The following ITPR1 variants were observed in gnomAD, a reference collection of about 807,000 sequenced individuals.
The protein encoded by ITPR1 is inositol 1,4,5-trisphosphate-gated calcium channel ITPR1.
In ITPR1, 96 loss-of-function variants were observed where a neutral mutation model predicts 318.4. The observed-to-expected ratio is 0.30, with a 90% CI of 0.26 to 0.36. The LOEUF (loss-of-function observed/expected upper bound fraction) is 0.36. Ranked by LOEUF, ITPR1 falls within the 10% of genes least tolerant of loss-of-function variation. ITPR1 has a pLI of 1.00. For missense variants in ITPR1, 2,440 were observed against 3,460.2 expected, an observed-to-expected ratio of 0.71 and a Z score of 7.40; for synonymous variants, 1,312 against 1,289.9, an observed-to-expected ratio of 1.02 and a Z score of -0.37.
intron 1 of ITPR1, 99 bp downstream of exon 1, chr3:4,493,704 C>G (rs2080316016): frequency 1.3e-5 from 2 of 152,194 alleles, no homozygotes; most frequent in African/African-American, 2.4e-5. Flanking sequence ...GATGGATGTG[C>G]ATGCACTTGG....
intron 4 of ITPR1, among the ~76,000 whole-genome samples, chr3:4,539,324 C>G (rs1204540420): frequency 6.6e-6 from 1 of 152,176 alleles, no homozygotes; most frequent in Non-Finnish European, 1.5e-5. Context: ...ACTTGAGAGG[C>G]TTGCTTTGTG....
chr3:4,703,065 G>A, intron 36 of ITPR1, 115 bp downstream of exon 36: 1 of 1,203,310 alleles, frequency 8.3e-7, no homozygotes, highest in Non-Finnish European at 1.1e-6. Context: ...CAGACAGGAA[G>A]TTTCAGAGCC....
chr3:4,515,176 C>G (rs1419969916), intron 2 of ITPR1, among the ~76,000 whole-genome samples: 2 of 152,172 alleles, frequency 1.3e-5, no homozygotes, highest in African/African-American at 4.8e-5. Context: ...AAGCAGTGAA[C>G]TGAGGTTCTT....
intron 3 of ITPR1, among the ~76,000 whole-genome samples, chr3:4,517,595 G>T (rs1030028390): frequency 3.3e-5 from 5 of 152,160 alleles, no homozygotes; most frequent in Non-Finnish European, 7.3e-5. Flanking sequence ...AATTAGACTT[G>T]TGCTCCCACT....
At chr3:4,535,050 C>A (rs2083735310) in intron 4 of ITPR1, among the ~76,000 whole-genome samples, 1 of 150,954 alleles carries the variant, frequency 6.6e-6, no homozygotes, top group Non-Finnish European at 1.5e-5. Flanking sequence ...TTAGTGTTCT[C>A]TAGTACATAA....
chr3:4,685,232 C>A (rs1235042215), intron 30 of ITPR1, 26 bp downstream of exon 30: 7 of 1,578,994 alleles, frequency 4.4e-6, no homozygotes, highest in Non-Finnish European at 6.0e-6. Flanking sequence ...TGCACAGCAG[C>A]TGCTCTCAGG....
At chr3:4,724,984 A>G (rs1006097816) in intron 40 of ITPR1, among the ~76,000 whole-genome samples, 1 of 152,154 alleles carries the variant, frequency 6.6e-6, no homozygotes, top group African/African-American at 2.4e-5. Context: ...ACACTGGAGC[A>G]GGGAGACTGC....
intron 52 of ITPR1, among the ~76,000 whole-genome samples, chr3:4,789,206 A>C (rs917776955): frequency 1.3e-5 from 2 of 152,180 alleles, no homozygotes; most frequent in African/African-American, 2.4e-5. Flanking sequence ...GGCCAGGCCA[A>C]ATCCATCCCT....
chr3:4,600,271 C>T (rs1249047992), intron 4 of ITPR1, among the ~76,000 whole-genome samples: 1 of 152,202 alleles, frequency 6.6e-6, no homozygotes, highest in Non-Finnish European at 1.5e-5. Flanking sequence ...CTGGTACCCA[C>T]AGCCATTCAT....
At chr3:4,796,540 C>T (rs1373268585) in intron 53 of ITPR1, among the ~76,000 whole-genome samples, 1 of 152,188 alleles carries the variant, frequency 6.6e-6, no homozygotes, top group Non-Finnish European at 1.5e-5. Context: ...GATTATTCAA[C>T]CCTTACCTTG....
intron 10 of ITPR1, among the ~76,000 whole-genome samples, chr3:4,646,669 T>A (rs1423807326): frequency 6.6e-6 from 1 of 152,116 alleles, no homozygotes; most frequent in Non-Finnish European, 1.5e-5. Context: ...GCCCACAGCA[T>A]GTAATTTGTT....
At chr3:4,722,372 G>A (rs932652759) in intron 40 of ITPR1, among the ~76,000 whole-genome samples, 16 of 152,132 alleles carry the variant, frequency 1.1e-4, no homozygotes, top group African/African-American at 3.4e-4. Context: ...GACTGGTCCT[G>A]GGACTAAGCA....
intron 60 of ITPR1, among the ~76,000 whole-genome samples, chr3:4,830,556 C>G (rs938343073): frequency 1.3e-5 from 2 of 152,134 alleles, no homozygotes; most frequent in Non-Finnish European, 2.9e-5. Context: ...CAAGCCTCCT[C>G]CTCCTGACAT....
Position 4,818,328 on chromosome 3 carries a change from C to T in ITPR1, c.8028+86C>T, listed in dbSNP as rs574056557. The T allele has an allele frequency of 1.7e-4, 188 of 1,083,722 alleles. 1 individual carries two copies. The African/African-American group carries it at 2.5e-3, about 15-fold the overall frequency. 67.1% of individuals were successfully genotyped at this position (1,083,722 alleles called of 1,614,324 possible). A position where few individuals can be genotyped will look rare whatever the true frequency, so the allele number is the denominator to read the frequency against. ...GCCCCAGCAGCCCATCGGGGAGCTG[C>T]ACAACAGAAGAATAACATCCGATGT... On this transcript the variant is annotated intron_variant, in intron 60 of 61. Transcript: ENST00000649015.
intron 4 of ITPR1, among the ~76,000 whole-genome samples, chr3:4,623,952 A>G (rs954983057): frequency 2.0e-5 from 3 of 152,222 alleles, no homozygotes; most frequent in Non-Finnish European, 4.4e-5. Flanking sequence ...GATGTTATTT[A>G]AATACACCCT....
chr3:4,783,578 A>T (rs1213345606), intron 50 of ITPR1, among the ~76,000 whole-genome samples: 1 of 151,944 alleles, frequency 6.6e-6, no homozygotes, highest in Non-Finnish European at 1.5e-5. Flanking sequence ...GGCTAATGAC[A>T]TCGGGGGAAA....
intron 2 of ITPR1, among the ~76,000 whole-genome samples, chr3:4,499,062 G>A (rs2080823475): frequency 6.6e-6 from 1 of 152,186 alleles, no homozygotes; most frequent in South Asian, 2.1e-4. Flanking sequence ...ACGGAGGCAG[G>A]AGAATTACTT....
intron 21 of ITPR1, among the ~76,000 whole-genome samples, chr3:4,673,882 C>T (rs537903102): frequency 1.3e-5 from 2 of 152,252 alleles, no homozygotes; most frequent in South Asian, 4.2e-4. Flanking sequence ...GCGCCTGGCC[C>T]CGATTGTATT....
Position 4,779,719 on chromosome 3 carries a change from G to C in ITPR1, c.6387+74G>C. On this transcript the variant is annotated intron_variant, in intron 49 of 61. Transcript: ENST00000649015. The surrounding 1 kb of genome is among the most constrained non-coding windows in gnomAD (Gnocchi z 4.0). ...ATATTTGGGACAGAGCAGAGGATCT[G>C]CTTCCTGGAGCTTTCTTGAAGGTTC... 1 of 1,007,014 alleles carries C rather than the reference G, an allele frequency of 9.9e-7. No homozygotes were observed. Among genetic ancestry groups the C allele is most frequent in the Non-Finnish European group, 1.5e-6 (1 of 649,428 alleles). 62.4% of individuals were successfully genotyped at this position (1,007,014 alleles called of 1,614,324 possible).
Sources: allele counts gnomAD v4.1 joint callset (sites outside exome capture counted in the v4.1 genomes callset), GRCh38; gene constraint gnomAD v4.1.1; non-coding constraint Gnocchi (gnomAD v3.1); transcripts MANE v1.5; gene names NCBI Gene and HGNC (gene_info 2026-07-23, HGNC 2026-07-21).